Variants in SUN3 observed in about 807,000 individuals in gnomAD.
SUN3 encodes the protein Sad1 and UNC84 domain containing 3, also known as SUN domain-containing protein 3.
In SUN3, 36 loss-of-function variants were observed where a neutral mutation model predicts 48.2. The ratio of observed to expected loss-of-function variants is 0.75; its 90% CI spans 0.57 to 0.99. The LOEUF is 0.99. Among genes scored for constraint, SUN3 ranks in the 50% least tolerant of loss-of-function variants. SUN3 has a pLI of 0.00. For missense variants in SUN3, 419 were observed against 433.1 expected, an observed-to-expected ratio of 0.97 and a Z score of 0.29; for synonymous variants, 148 against 147.9, an observed-to-expected ratio of 1.00 and a Z score of 0.00.
intron 8 of SUN3, among the ~76,000 whole-genome samples, chr7:47,990,788 G>A (rs1425537846): frequency 4.0e-5 from 6 of 150,380 alleles, no homozygotes; most frequent in Admixed American, 2.7e-4. Context: ...GAACAAGATC[G>A]TGTCCTTTGC....
In SUN3 at chr7:48,025,814, T is replaced by C. The variant is rs1285824212; in HGVS notation, c.184+63A>G. The C allele has an allele frequency of 2.6e-6, 3 of 1,134,698 alleles. No homozygotes were observed. In the Admixed American group the frequency reaches 5.8e-5, roughly 22 times the overall value. 70.3% of individuals were successfully genotyped at this position (1,134,698 alleles called of 1,614,324 possible). ...AAATATGAGTCATTCCGTTGAGATCTCTCTCACCAGGCAGACATAACCTGT... is the reference window on the plus strand; with the variant it reads ...AAATATGAGTCATTCCGTTGAGATCCCTCTCACCAGGCAGACATAACCTGT... On this transcript the variant is annotated intron_variant, in intron 2 of 9. Coordinates refer to ENST00000297325, the MANE Select transcript of SUN3 (RefSeq NM_001030019.2).
chr7:47,993,622 G>A (rs1443830503), intron 8 of SUN3, among the ~76,000 whole-genome samples: 1 of 152,098 alleles, frequency 6.6e-6, no homozygotes, highest in East Asian at 1.9e-4. Flanking sequence ...AATTTATTGA[G>A]ACAAAGTAGA....
intron 3 of SUN3, among the ~76,000 whole-genome samples, chr7:48,016,340 T>C (rs1789812528): frequency 6.6e-6 from 1 of 152,304 alleles, no homozygotes; most frequent in South Asian, 2.1e-4. Flanking sequence ...AACTCCAGTA[T>C]CCCACACATC....
At chr7:48,007,625 G>T (rs1328098302) in intron 4 of SUN3, among the ~76,000 whole-genome samples, 1 of 152,172 alleles carries the variant, frequency 6.6e-6, no homozygotes, top group Admixed American at 6.5e-5. Context: ...CGTCACACAG[G>T]TGAATCCTAA....
chr7:48,024,843 C>G (rs1198040392), intron 2 of SUN3, among the ~76,000 whole-genome samples: 1 of 152,070 alleles, frequency 6.6e-6, no homozygotes, highest in South Asian at 2.1e-4. Context: ...AAGGATGGAA[C>G]CAAGTGATTC....
At chr7:48,018,401 G>A (rs1157997473) in intron 2 of SUN3, 1 of 152,092 alleles carries the variant, frequency 6.6e-6, no homozygotes, top group Admixed American at 6.6e-5. Flanking sequence ...CGAGGTGGGT[G>A]GATCACAAGG....
At chr7:48,009,679 G>A (rs985779169) in intron 3 of SUN3, among the ~76,000 whole-genome samples, 5 of 152,244 alleles carry the variant, frequency 3.3e-5, no homozygotes, top group Non-Finnish European at 5.9e-5. Flanking sequence ...TCTTGGTGGT[G>A]CCCAAACCAA....
At position 47,988,864 on chromosome 7, in the gene SUN3, C is replaced by T; in HGVS notation, c.878G>A (p.Cys293Tyr). ...ACCTAGGAAAATTTCTTCTCCTTCA[C>T]ATTTTTTTGTGATGCCCTATAAAGA... ...EFSVYGITKK[C>Y]EGEEIFLGQF... is the part of the protein sequence containing the mutation. Residue 293 changes from cysteine (C) to tyrosine (Y), a missense_variant, in exon 9 of 10, where the codon TGT becomes TAT. Coordinates refer to ENST00000297325, the MANE Select transcript of SUN3 (RefSeq NM_001030019.2). 1 of 1,604,110 alleles carries T rather than the reference C, an allele frequency of 6.2e-7. No homozygotes were observed. Among genetic ancestry groups the T allele is most frequent in the Non-Finnish European group, 8.5e-7 (1 of 1,173,460 alleles).
chr7:48,035,337 G>C, the SUN3 span, among the ~76,000 whole-genome samples: 2 of 151,794 alleles, frequency 1.3e-5, no homozygotes, highest in Non-Finnish European at 2.9e-5. The surrounding 1 kb of genome is among the most constrained non-coding windows in gnomAD (Gnocchi z 4.0). Flanking sequence ...CCGTGGCATC[G>C]CTGCGCTGCC....
intron 8 of SUN3, among the ~76,000 whole-genome samples, chr7:47,989,543 A>G (rs1042343522): frequency 6.6e-6 from 1 of 152,206 alleles, no homozygotes; most frequent in Non-Finnish European, 1.5e-5. Context: ...AGGTTCCTTA[A>G]ATTGTAACAC....
chr7:48,014,756 T>C (rs1185513477), intron 3 of SUN3, among the ~76,000 whole-genome samples: 4 of 152,142 alleles, frequency 2.6e-5, no homozygotes, highest in Non-Finnish European at 5.9e-5. Flanking sequence ...AGCCAATGTA[T>C]ATATAGAGAG....
chr7:47,997,053 G>A (rs925474008), intron 6 of SUN3, among the ~76,000 whole-genome samples: 3 of 152,106 alleles, frequency 2.0e-5, no homozygotes, highest in Non-Finnish European at 4.4e-5. Flanking sequence ...ACCCACCTCG[G>A]CCTCCCAAAG....
chr7:48,012,358 C>T (rs1275125407), intron 3 of SUN3, among the ~76,000 whole-genome samples: 2 of 151,672 alleles, frequency 1.3e-5, no homozygotes, highest in East Asian at 1.9e-4. Flanking sequence ...TAGCCATGGG[C>T]AAAGCCCAGT....
intron 6 of SUN3, among the ~76,000 whole-genome samples, chr7:48,005,445 T>G (rs1789497560): frequency 6.6e-6 from 1 of 152,230 alleles, no homozygotes; most frequent in Admixed American, 6.5e-5. Context: ...TGTCCCTTTC[T>G]TCTTTCCTCC....
At chr7:48,012,042 G>A (rs1387890830) in intron 3 of SUN3, among the ~76,000 whole-genome samples, 1 of 152,190 alleles carries the variant, frequency 6.6e-6, no homozygotes, top group Non-Finnish European at 1.5e-5. Flanking sequence ...TTTGTGTATA[G>A]TTGATTATCT....
At chr7:48,012,798 G>C (rs1451160043) in intron 3 of SUN3, among the ~76,000 whole-genome samples, 1 of 152,210 alleles carries the variant, frequency 6.6e-6, no homozygotes, top group African/African-American at 2.4e-5. Flanking sequence ...TTAAGAGGTA[G>C]GGTCTTTTGG....
intron 3 of SUN3, among the ~76,000 whole-genome samples, chr7:48,016,730 T>C (rs1032342784): frequency 6.6e-6 from 1 of 152,220 alleles, no homozygotes; most frequent in Admixed American, 6.5e-5. Context: ...TAGGACCTCA[T>C]AGCTATAAAA....
At chr7:47,992,969 A>C (rs1406754613) in intron 8 of SUN3, among the ~76,000 whole-genome samples, 1 of 152,018 alleles carries the variant, frequency 6.6e-6, no homozygotes, top group African/African-American at 2.4e-5. Context: ...TGGGCAACAT[A>C]ATAAGACCCT....
At chr7:48,011,430 G>A (rs1220737697) in intron 3 of SUN3, among the ~76,000 whole-genome samples, 1 of 152,162 alleles carries the variant, frequency 6.6e-6, no homozygotes, top group African/African-American at 2.4e-5. Context: ...CCTTGCTTTT[G>A]TTCTGAACAA....
Sources: gnomAD v4.1 joint callset for allele counts (sites outside exome capture counted in the v4.1 genomes callset) on GRCh38, gnomAD v4.1.1 for gene constraint, Gnocchi (gnomAD v3.1) non-coding constraint, MANE v1.5 for transcripts, NCBI Gene and HGNC (gene_info 2026-07-23, HGNC 2026-07-21) for gene names.